Variants in ARMC8 observed in about 807,000 individuals in gnomAD.
The protein encoded by ARMC8 is armadillo repeat-containing protein 8.
A neutral mutation model predicts 99.3 loss-of-function variants in ARMC8; 20 were observed. That is an observed-to-expected ratio of 0.20 (90% confidence interval 0.14 to 0.29). ARMC8 has a LOEUF of 0.29. Ranked by LOEUF, ARMC8 falls within the 10% of genes least tolerant of loss-of-function variation. The probability of loss-of-function intolerance (pLI) is 1.00; values close to 1 mark genes in which losing one functional copy is unlikely to be tolerated. For synonymous variants in ARMC8, 263 were observed against 278.3 expected (o/e 0.95, Z 0.55); for missense variants, 569 against 809.5 (o/e 0.70, Z 3.60).
intron 5 of ARMC8, among the ~76,000 whole-genome samples, chr3:138,227,929 C>T (rs776801997): frequency 3.7e-4 from 57 of 152,160 alleles, no homozygotes; most frequent in Non-Finnish European, 6.3e-4. Context: ...TCTGTGGTTC[C>T]AGCCAAATAC....
intron 1 of ARMC8, among the ~76,000 whole-genome samples, chr3:138,195,197 G>T (rs1388717767): frequency 1.3e-5 from 2 of 150,960 alleles, no homozygotes; most frequent in Non-Finnish European, 2.9e-5. Context: ...AGAATGGCGT[G>T]AACCCGGGAA....
chr3:138,241,183 A>T (rs16847937), intron 10 of ARMC8, among the ~76,000 whole-genome samples: 1 of 152,236 alleles, frequency 6.6e-6, no homozygotes, highest in African/African-American at 2.4e-5. Context: ...TACCACTGCT[A>T]ATTCCAGCAA....
intron 21 of ARMC8, among the ~76,000 whole-genome samples, chr3:138,295,490 A>T (rs572892629): frequency 6.6e-6 from 1 of 152,328 alleles, no homozygotes; most frequent in East Asian, 1.9e-4. Flanking sequence ...CTCACTGCAT[A>T]AAACCTACAT....
At chr3:138,200,995 C>T (rs2044031537) in intron 1 of ARMC8, among the ~76,000 whole-genome samples, 1 of 142,310 alleles carries the variant, frequency 7.0e-6, no homozygotes, top group Admixed American at 7.8e-5. Context: ...TCATTGTAGC[C>T]TCTGCTTCCT....
At position 138,229,178 on chromosome 3, in the gene ARMC8, A is replaced by ATATATATATATATGTATATGTATATG. The variant is rs1576686064; in HGVS notation, c.528+173_528+174insATATATATGTATATGTATATGTATAT. ...TATATATATATATATATATATATAT[A>ATATATATATATATGTATATGTATATG]TATATGTATATGTATATGTATATGT... On this transcript the variant is annotated intron_variant, in intron 6 of 21. Coordinates refer to ENST00000469044, the MANE Select transcript of ARMC8 (RefSeq NM_001363941.2). The ATATATATATATATGTATATGTATATG allele has an allele frequency of 1.1e-3, 35 of 32,100 alleles. 1 individual carries two copies. Among genetic ancestry groups the ATATATATATATATGTATATGTATATG allele is most frequent in the African/African-American group, 3.0e-3 (31 of 10,306 alleles). The allele number at this position is 32,100 out of a possible 1,614,324, so 2.0% of individuals were successfully genotyped here.
chr3:138,239,894 G>A (rs2046524540), intron 10 of ARMC8, among the ~76,000 whole-genome samples: 1 of 152,072 alleles, frequency 6.6e-6, no homozygotes, highest in African/African-American at 2.4e-5. Context: ...TGCCACTTTT[G>A]CAGAAAAAGA....
chr3:138,238,574 T>A (rs1165329416), intron 9 of ARMC8: 1 of 152,222 alleles, frequency 6.6e-6, no homozygotes, highest in Non-Finnish European at 1.5e-5. Context: ...GGTTTTTATT[T>A]GTTTGTATCA....
intron 1 of ARMC8, 21 bp from the exon 2 acceptor site, chr3:138,209,796 A>AT (rs908966744): frequency 1.2e-6 from 2 of 1,610,590 alleles, no homozygotes; most frequent in African/African-American, 1.3e-5. Context: ...AGATGTCATA[A>AT]TTTTTCCCCC....
intron 11 of ARMC8, among the ~76,000 whole-genome samples, chr3:138,243,908 A>G (rs940750025): frequency 6.6e-6 from 1 of 152,222 alleles, no homozygotes; most frequent in Non-Finnish European, 1.5e-5. Context: ...TTCTTTGGGA[A>G]AAGTGGTATT....
intron 5 of ARMC8, among the ~76,000 whole-genome samples, chr3:138,225,355 C>T (rs995872824): frequency 2.0e-5 from 3 of 152,192 alleles, no homozygotes; most frequent in East Asian, 3.9e-4. Flanking sequence ...ATGATCTGCC[C>T]GCCTCGGCCT....
intron 18 of ARMC8, among the ~76,000 whole-genome samples, chr3:138,276,692 A>G (rs917476770): frequency 2.6e-5 from 4 of 152,200 alleles, no homozygotes; most frequent in Non-Finnish European, 5.9e-5. Flanking sequence ...AAAAAATGAA[A>G]TTCTATGTAT....
chr3:138,228,074 G>A (rs891579454), intron 5 of ARMC8, among the ~76,000 whole-genome samples: 1 of 152,266 alleles, frequency 6.6e-6, no homozygotes, highest in Non-Finnish European at 1.5e-5. Flanking sequence ...CCGCCTCTCC[G>A]ATTCAAGTGA....
At chr3:138,206,728 C>G (rs1007849601) in intron 1 of ARMC8, among the ~76,000 whole-genome samples, 1 of 152,164 alleles carries the variant, frequency 6.6e-6, no homozygotes, top group Non-Finnish European at 1.5e-5. Context: ...GTGACCTGAT[C>G]TACAAGGAGC....
intron 13 of ARMC8, 31 bp from the exon 14 acceptor site, chr3:138,264,100 T>C (rs1216935779): frequency 1.3e-6 from 2 of 1,593,410 alleles, no homozygotes; most frequent in African/African-American, 2.7e-5. Flanking sequence ...TTTTGATTTC[T>C]TGTGAAGCTA....
At chr3:138,282,210 G>A (rs950771649) in intron 18 of ARMC8, among the ~76,000 whole-genome samples, 2 of 152,176 alleles carry the variant, frequency 1.3e-5, no homozygotes, top group African/African-American at 4.8e-5. Context: ...CTCTTGGAAG[G>A]TGGGGTTGTT....
At chr3:138,267,075 T>TTATTTA in intron 14 of ARMC8, 80 bp from the exon 15 acceptor site, 1 of 769,108 alleles carries the variant, frequency 1.3e-6, no homozygotes, top group Non-Finnish European at 2.0e-6. Flanking sequence ...GTTCTTGTTT[T>TTATTTA]TATTTATATT....
At position 138,273,795 on chromosome 3, in the gene ARMC8, C is replaced by T. The variant is rs375075342; in HGVS notation, c.1630-654C>T. Among the ~76,000 whole-genome samples, 5 of 151,998 alleles carry T rather than the reference C, an allele frequency of 3.3e-5. No individual in the cohort carries two copies. The South Asian group carries it at 1.0e-3, about 32-fold the overall frequency. ...TCCATGTCTCTGGCTTCCCCCATTA[C>T]CCCAGTCCATTTTTTATGCTTCCCC... On this transcript the variant is annotated intron_variant, in intron 17 of 21. Coordinates refer to ENST00000469044, the MANE Select transcript of ARMC8 (RefSeq NM_001363941.2).
intron 1 of ARMC8, among the ~76,000 whole-genome samples, chr3:138,197,744 G>T (rs1016053795): frequency 7.2e-5 from 11 of 152,076 alleles, no homozygotes; most frequent in African/African-American, 2.4e-4. Context: ...TCACACAGTG[G>T]GTTCTTATCT....
At chr3:138,273,763 T>C (rs2108309233) in intron 17 of ARMC8, among the ~76,000 whole-genome samples, 1 of 152,244 alleles carries the variant, frequency 6.6e-6, no homozygotes, top group East Asian at 1.9e-4. Context: ...AAATCTACAC[T>C]GTGTTTTCCA....
Sources: gnomAD v4.1 joint callset for allele counts (sites outside exome capture counted in the v4.1 genomes callset) on GRCh38, gnomAD v4.1.1 for gene constraint, MANE v1.5 for transcripts, NCBI Gene and HGNC (gene_info 2026-07-23, HGNC 2026-07-21) for gene names.